AHCY: variants seen among roughly 807,000 people sequenced by gnomAD.
AHCY encodes the protein adenosylhomocysteinase.
A neutral mutation model predicts 45.4 loss-of-function variants in AHCY; 24 were observed. The ratio of observed to expected loss-of-function variants is 0.53; its 90% CI spans 0.38 to 0.74. The LOEUF is 0.74. Among genes scored for constraint, AHCY ranks in the 30% least tolerant of loss-of-function variants. AHCY has a pLI of 0.00. For missense variants in AHCY, 449 were observed against 594.1 expected (o/e 0.76, Z 2.54); for synonymous variants, 245 against 235.1 (o/e 1.04, Z -0.39).
rs1230443794 is a variant in AHCY, at chr20:34,290,480, G to T, written c.855-31C>A. The T allele has an allele frequency of 6.2e-7, 1 of 1,613,678 alleles. No homozygotes were observed. The highest frequency in any genetic ancestry group is 1.7e-5 in the Admixed American group (1 of 60,012). ...AGGCAGCCCAAGACCGTGGGAGATT[G>T]TCAGGGACAGAAAGCTGTCCCAACT... On this transcript the variant is annotated intron_variant, in intron 7 of 9. Transcript: ENST00000217426. The surrounding 1 kb of genome is among the most constrained non-coding windows in gnomAD (Gnocchi z 4.5).
the AHCY span, among the ~76,000 whole-genome samples, chr20:34,258,109 A>C: frequency 6.6e-6 from 1 of 151,880 alleles, no homozygotes; most frequent in Non-Finnish European, 1.5e-5. Flanking sequence ...GCACCACTGC[A>C]CTCCATCCTG....
the AHCY span, among the ~76,000 whole-genome samples, chr20:34,266,817 A>G: frequency 6.6e-6 from 1 of 152,256 alleles, no homozygotes; most frequent in Non-Finnish European, 1.5e-5. Flanking sequence ...AGGATCATTT[A>G]ACATTCACGT....
the AHCY span, among the ~76,000 whole-genome samples, chr20:34,253,441 AT>A: frequency 3.6e-5 from 4 of 112,060 alleles, no homozygotes; most frequent in African/African-American, 1.6e-4. Context: ...TCTTATTTTT[AT>A]TTTATTTTAT....
chr20:34,242,617 T>C, the AHCY span, among the ~76,000 whole-genome samples: 1 of 152,236 alleles, frequency 6.6e-6, no homozygotes, highest in African/African-American at 2.4e-5. Flanking sequence ...CAAAACAAAA[T>C]GAAAAACACT....
the AHCY span, among the ~76,000 whole-genome samples, chr20:34,256,998 C>G: frequency 6.6e-6 from 1 of 152,048 alleles, no homozygotes; most frequent in South Asian, 2.1e-4. Flanking sequence ...CATCTCCATC[C>G]TTTACTTTCC....
At chr20:34,235,893 GGAAGGAAA>G in the AHCY span, among the ~76,000 whole-genome samples, 87 of 91,990 alleles carry the variant, frequency 9.5e-4, 4 homozygotes, top group African/African-American at 4.0e-3. Context: ...AAGGAAGGAA[GGAAGGAAA>G]GGAAGGAAGG....
chr20:34,310,156 C>T (rs1306001511), intron 1 of AHCY, among the ~76,000 whole-genome samples: 2 of 152,032 alleles, frequency 1.3e-5, no homozygotes, highest in Non-Finnish European at 2.9e-5. Context: ...CAGGTTCAAG[C>T]GATTCTCCTG....
At chr20:34,306,079 C>CAAAAAAAAAAAA (rs56039506), upstream of AHCY, among the ~76,000 whole-genome samples, 1 of 103,102 alleles carries the variant, frequency 9.7e-6, no homozygotes, top group Non-Finnish European at 2.0e-5. Flanking sequence ...AAGACTGCCT[C>CAAAAAAAAAAAA]AAAAAAAAAA....
the AHCY span, among the ~76,000 whole-genome samples, chr20:34,240,573 G>A: frequency 6.6e-6 from 1 of 152,164 alleles, no homozygotes; most frequent in Non-Finnish European, 1.5e-5. Context: ...AGGTCCCAAA[G>A]AGATTTTACT....
the AHCY span, among the ~76,000 whole-genome samples, chr20:34,265,973 G>C: frequency 7.2e-5 from 11 of 151,960 alleles, no homozygotes; most frequent in African/African-American, 2.2e-4. Flanking sequence ...CGGAGGGGGG[G>C]AAGTTAAAAC....
At position 34,303,355 on chromosome 20, in the gene AHCY, G is replaced by C. The variant is rs1434365813; in HGVS notation, c.-85C>G. 9 of 1,535,146 alleles carry C rather than the reference G, an allele frequency of 5.9e-6. No individual in the cohort carries two copies. The South Asian group carries it at 6.0e-5, about 10-fold the overall frequency. ...AACTGGGCGGGCAGCGCCGAGCAGG[G>C]ATATGCGCGTGGCGCCGACGCCTTT... On this transcript the variant is annotated 5_prime_UTR_variant, in exon 1 of 10. Transcript: ENST00000217426.
chr20:34,289,472 C>CCAGCTAA (rs2036298213), intron 8 of AHCY, among the ~76,000 whole-genome samples: 1 of 106,364 alleles, frequency 9.4e-6, no homozygotes, highest in Non-Finnish European at 1.9e-5. Context: ...TGTACCTGGC[C>CCAGCTAA]TTTTTTTTTT....
the AHCY span, among the ~76,000 whole-genome samples, chr20:34,274,955 A>G: frequency 6.6e-6 from 1 of 152,134 alleles, no homozygotes; most frequent in Middle Eastern, 3.4e-3. Flanking sequence ...TTGTCTCTTT[A>G]AAAGAGTCAG....
the AHCY span, among the ~76,000 whole-genome samples, chr20:34,245,290 T>C: frequency 1.4e-5 from 2 of 138,522 alleles, no homozygotes; most frequent in Non-Finnish European, 3.1e-5. Flanking sequence ...GCTGAGATCA[T>C]GCCATTGCAC....
At chr20:34,269,781 C>A in the AHCY span, among the ~76,000 whole-genome samples, 2 of 151,408 alleles carry the variant, frequency 1.3e-5, no homozygotes, top group Non-Finnish European at 2.9e-5. Context: ...CCCGTCTCTA[C>A]AAAAAATATA....
At chr20:34,232,333 C>A in the AHCY span, among the ~76,000 whole-genome samples, 1 of 152,184 alleles carries the variant, frequency 6.6e-6, no homozygotes, top group Admixed American at 6.5e-5. Flanking sequence ...GGCAGAATGT[C>A]TCTCAACAGC....
In AHCY at chr20:34,291,481, T is replaced by G. The variant is rs922940673; in HGVS notation, c.496A>C (p.Lys166Gln). Reference protein sequence around the residue: ...ETTTGVHNLYKMMANGILKVP... With the variant: ...ETTTGVHNLYQMMANGILKVP... ...TTGAGGATCCCATTGGCCATCATCT[T>G]GTAGAGGTTGTGGACCCCAGTCGTG... The change falls in exon 5 of 10, where the codon AAG (lysine) becomes CAG (glutamine). Residue 166 changes from lysine to glutamine, a missense_variant. By Grantham distance (53) the Lys-to-Gln change is moderately conservative. Coordinates refer to ENST00000217426, the MANE Select transcript of AHCY (RefSeq NM_000687.4). The G allele has an allele frequency of 6.2e-7, 1 of 1,614,182 alleles. No homozygotes were observed. The highest frequency in any genetic ancestry group is 1.3e-5 in the African/African-American group (1 of 75,044).
At chr20:34,310,813 C>T (rs545605903) in intron 1 of AHCY, among the ~76,000 whole-genome samples, 2 of 151,782 alleles carry the variant, frequency 1.3e-5, no homozygotes, top group South Asian at 2.1e-4. Flanking sequence ...GGCAACAAAG[C>T]GAGACCCTGT....
chr20:34,246,455 C>CG, the AHCY span: 1 of 1,402,518 alleles, frequency 7.1e-7, no homozygotes, highest in Non-Finnish European at 1.0e-6. Context: ...ATAAAGGACT[C>CG]GAAGTGGGTA....
Sources: allele counts gnomAD v4.1 joint callset (sites outside exome capture counted in the v4.1 genomes callset), GRCh38; gene constraint gnomAD v4.1.1; non-coding constraint Gnocchi (gnomAD v3.1); transcripts MANE v1.5; gene names NCBI Gene and HGNC (gene_info 2026-07-23, HGNC 2026-07-21).